The following PLA2R1 variants were observed in gnomAD, a reference collection of about 807,000 sequenced individuals.
PLA2R1 encodes secretory phospholipase A2 receptor.
PLA2R1 carries 158 observed loss-of-function variants against 195.9 expected under a neutral mutation model. That is an observed-to-expected ratio of 0.81 (90% CI 0.71 to 0.92). The LOEUF (loss-of-function observed/expected upper bound fraction) is 0.92. Ranked by LOEUF, PLA2R1 falls within the 40% of genes least tolerant of loss-of-function variation. PLA2R1 has a pLI of 0.00. For synonymous variants in PLA2R1, 586 were observed against 598.2 expected (o/e 0.98, Z 0.30); for missense variants, 1,626 against 1,764.6 (o/e 0.92, Z 1.41).
downstream of PLA2R1, among the ~76,000 whole-genome samples, chr2:159,930,151 G>T (rs1406360206): frequency 6.6e-6 from 1 of 152,176 alleles, no homozygotes; most frequent in Non-Finnish European, 1.5e-5. Context: ...GCTCACGCCG[G>T]TAATCCCAGC....
intron 11 of PLA2R1, among the ~76,000 whole-genome samples, chr2:159,998,022 T>A (rs756051013): frequency 1.5e-4 from 23 of 152,154 alleles, no homozygotes; most frequent in African/African-American, 1.9e-4. Context: ...GAATTTTTTT[T>A]AAAAACATTT....
At chr2:159,992,978 A>G (rs1010639887) in intron 11 of PLA2R1, among the ~76,000 whole-genome samples, 3 of 152,154 alleles carry the variant, frequency 2.0e-5, no homozygotes, top group African/African-American at 4.8e-5. Context: ...GGAGTGATTG[A>G]AAGTGTTTAT....
chr2:160,014,497 A>G (rs1692603072), intron 9 of PLA2R1, among the ~76,000 whole-genome samples: 1 of 152,072 alleles, frequency 6.6e-6, no homozygotes, highest in Non-Finnish European at 1.5e-5. Flanking sequence ...AAACTGAGCT[A>G]TTTTAGTTCT....
intron 11 of PLA2R1, among the ~76,000 whole-genome samples, chr2:159,992,767 C>G (rs1488592965): frequency 4.6e-5 from 7 of 152,184 alleles, no homozygotes; most frequent in Non-Finnish European, 1.5e-5. Flanking sequence ...TCAAACTATA[C>G]TACAGGGCAC....
At chr2:159,929,063 T>C (rs1482451470), downstream of PLA2R1, among the ~76,000 whole-genome samples, 1 of 152,112 alleles carries the variant, frequency 6.6e-6, no homozygotes, top group East Asian at 1.9e-4. Flanking sequence ...AAGATAACAT[T>C]GGAAAAACCC....
At chr2:159,958,985 A>G (rs754824162) in intron 20 of PLA2R1, among the ~76,000 whole-genome samples, 1 of 152,204 alleles carries the variant, frequency 6.6e-6, no homozygotes, top group Non-Finnish European at 1.5e-5. Flanking sequence ...AACCAGAAAC[A>G]CTGAACTAGC....
rs749128530 is a variant in PLA2R1, at chr2:159,956,570, G to A, written c.2962C>T (p.Gln988Ter). The change falls in exon 21 of 30, where the codon CAA (glutamine) becomes TAA (stop). Residue 988 changes from glutamine (Q) to a stop codon, truncating the protein, a stop_gained. Transcript: ENST00000283243. LOFTEE classifies it high-confidence loss of function. The part of the protein sequence containing the change: ...PSSWKNWTHA[Q>*]HFCAEEGGTL... ...CCCCCTTCTTCAGCACAGAAATGTT[G>A]AGCATGCGTCCAGTTCTTCCAACTG... The A allele has an allele frequency of 1.9e-5, 31 of 1,613,814 alleles. No homozygotes were observed. Among genetic ancestry groups the A allele is most frequent in the Non-Finnish European group, 2.5e-5 (30 of 1,179,764 alleles).
chr2:159,965,331 C>T (rs1010348038), intron 20 of PLA2R1, among the ~76,000 whole-genome samples: 1 of 152,204 alleles, frequency 6.6e-6, no homozygotes, highest in South Asian at 2.1e-4. Context: ...ACCTGGCAAC[C>T]ACTGATCTTT....
Position 159,949,589 on chromosome 2 carries a change from T to C in PLA2R1, c.3709+19A>G, listed in dbSNP as rs778200490. The C allele has an allele frequency of 3.1e-6, 5 of 1,590,912 alleles. No individual in the cohort carries two copies. In the Admixed American group the frequency reaches 8.4e-5, roughly 27 times the overall value. On this transcript the variant is annotated intron_variant, in intron 25 of 29. Coordinates refer to ENST00000283243, the MANE Select transcript of PLA2R1 (RefSeq NM_007366.5). ...AGTTAAATAAGGTATATTTTTGAGT[T>C]GAATAGAATTGAACCTACCAGGTGG...
chr2:160,033,638 A>T (rs1693988946), intron 3 of PLA2R1, among the ~76,000 whole-genome samples: 1 of 152,230 alleles, frequency 6.6e-6, no homozygotes, highest in Non-Finnish European at 1.5e-5. Context: ...GAACACTGAC[A>T]TATAGTTTAA....
intron 1 of PLA2R1, among the ~76,000 whole-genome samples, chr2:160,048,032 T>G (rs1344507880): frequency 6.6e-6 from 1 of 152,010 alleles, no homozygotes; most frequent in Non-Finnish European, 1.5e-5. Flanking sequence ...AGGATCTCAA[T>G]ATATTGCCCA....
At chr2:159,962,513 A>T (rs903587258) in intron 20 of PLA2R1, among the ~76,000 whole-genome samples, 1 of 152,206 alleles carries the variant, frequency 6.6e-6, no homozygotes, top group African/African-American at 2.4e-5. Flanking sequence ...ATACCATTTG[A>T]CCCAGCAATC....
intron 6 of PLA2R1, among the ~76,000 whole-genome samples, chr2:160,023,779 A>G (rs62175483): frequency 0.25 from 37,834 of 152,120 alleles, 5,170 homozygotes; most frequent in Admixed American, 0.39. Flanking sequence ...GGAACAGCCA[A>G]AGCAATGAAT....
At chr2:159,931,639 A>C (rs980242318), downstream of PLA2R1, among the ~76,000 whole-genome samples, 1 of 152,128 alleles carries the variant, frequency 6.6e-6, no homozygotes, top group Non-Finnish European at 1.5e-5. Context: ...CTGCAATCTC[A>C]ATCTCCCCCG....
intron 1 of PLA2R1, among the ~76,000 whole-genome samples, chr2:160,059,482 A>G (rs529774928): frequency 6.6e-6 from 1 of 152,352 alleles, no homozygotes; most frequent in African/African-American, 2.4e-5. Flanking sequence ...GCTCCATTTT[A>G]CAGATGAGGA....
chr2:159,939,490 G>GAAAAAAA lies in PLA2R1; in HGVS notation c.*2287_*2288insTTTTTTT. 7.9e-6 allele frequency: 1 copy of GAAAAAAA among 126,754 alleles called. No homozygotes were observed. Among genetic ancestry groups the GAAAAAAA allele is most frequent in the African/African-American group, 3.0e-5 (1 of 33,760 alleles). 7.9% of individuals were successfully genotyped at this position (126,754 alleles called of 1,614,324 possible). ...CACTGTACTCCTGCCTGGCAACAGAGCAAGACTCCATCTCCAAAAAAAAAA... is the reference window on the plus strand; with the variant it reads ...CACTGTACTCCTGCCTGGCAACAGAGAAAAAAACAAGACTCCATCTCCAAAAAAAAAA... On this transcript the variant is annotated 3_prime_UTR_variant, in exon 30 of 30. Coordinates refer to ENST00000283243, the MANE Select transcript of PLA2R1 (RefSeq NM_007366.5).
chr2:159,958,482 C>T (rs143839865), intron 20 of PLA2R1, among the ~76,000 whole-genome samples: 2 of 152,154 alleles, frequency 1.3e-5, no homozygotes, highest in African/African-American at 4.8e-5. Flanking sequence ...TATCTTTCCC[C>T]ATCATTCTTT....
At chr2:159,946,989 A>T (rs1431491111) in intron 26 of PLA2R1, 72 bp from the exon 27 acceptor site, 2 of 939,136 alleles carry the variant, frequency 2.1e-6, no homozygotes, top group Non-Finnish European at 3.3e-6. Context: ...TGTTTCCTAT[A>T]CTATTAATTG....
the PLA2R1 span, among the ~76,000 whole-genome samples, chr2:159,924,540 T>C: frequency 1.3e-5 from 2 of 152,122 alleles, no homozygotes; most frequent in Non-Finnish European, 1.5e-5. Flanking sequence ...AAAATGGATG[T>C]CAAATATCAA....
Sources: allele counts gnomAD v4.1 joint callset (sites outside exome capture counted in the v4.1 genomes callset), GRCh38; gene constraint gnomAD v4.1.1; transcripts MANE v1.5; gene names NCBI Gene and HGNC (gene_info 2026-07-23, HGNC 2026-07-21).